The following CLNK variants were observed in gnomAD, a reference collection of about 807,000 sequenced individuals.
CLNK encodes the protein cytokine dependent hematopoietic cell linker, also known as cytokine-dependent hematopoietic cell linker.
A neutral mutation model predicts 68.6 loss-of-function variants in CLNK; 74 were observed. That is an observed-to-expected ratio of 1.08 (90% confidence interval 0.89 to 1.31). The LOEUF (loss-of-function observed/expected upper bound fraction) is 1.31. Ranked by LOEUF, CLNK falls within the 50% of genes most tolerant of loss-of-function variation. The probability of loss-of-function intolerance (pLI) is 0.00; values close to 1 mark genes in which losing one functional copy is unlikely to be tolerated. For missense variants in CLNK, 553 were observed against 515.3 expected (o/e 1.07, Z -0.71); for synonymous variants, 198 against 172.2 (o/e 1.15, Z -1.17).
intron 7 of CLNK, among the ~76,000 whole-genome samples, chr4:10,559,935 A>G (rs1206133131): frequency 2.0e-5 from 3 of 152,110 alleles, no homozygotes; most frequent in Non-Finnish European, 2.9e-5. Flanking sequence ...GCTTAGTAAC[A>G]TCTCTGTCTT....
intron 1 of CLNK, among the ~76,000 whole-genome samples, chr4:10,668,417 A>T: frequency 6.6e-6 from 1 of 152,206 alleles, no homozygotes; most frequent in Non-Finnish European, 1.5e-5. Context: ...TTACCATATA[A>T]ATTAGCAGCA....
Position 10,570,969 on chromosome 4 carries a change from A to T in CLNK, c.150+772T>A, listed in dbSNP as rs192271669. On this transcript the variant is annotated intron_variant, in intron 5 of 18. Transcript: ENST00000226951. ...AAATCTGTGAATATGTTTAAGTATC[A>T]GTACATATTTTAGATTAGCTTTTTA... 2.6e-5 allele frequency among the ~76,000 whole-genome samples: 4 copies of T among 152,340 alleles called. No individual in the cohort carries two copies. The East Asian group carries it at 7.7e-4, about 29-fold the overall frequency.
chr4:10,721,243 T>C, the CLNK span, among the ~76,000 whole-genome samples: 2 of 152,170 alleles, frequency 1.3e-5, no homozygotes, highest in East Asian at 3.8e-4. Context: ...CTGGTGATGA[T>C]GGAAAAGTTC....
At chr4:10,563,512 CAT>C (rs1719977223) in intron 7 of CLNK, among the ~76,000 whole-genome samples, 1 of 152,188 alleles carries the variant, frequency 6.6e-6, no homozygotes, top group Admixed American at 6.5e-5. Flanking sequence ...TTGTTTATCA[CAT>C]GAGAAATTGT....
At chr4:10,493,049 G>A (rs1213751162) in intron 18 of CLNK, among the ~76,000 whole-genome samples, 1 of 152,212 alleles carries the variant, frequency 6.6e-6, no homozygotes, top group East Asian at 1.9e-4. Flanking sequence ...AGGCGTGGTG[G>A]CTCACGCCTG....
At chr4:10,643,825 T>G (rs1307341823) in intron 2 of CLNK, among the ~76,000 whole-genome samples, 1 of 152,244 alleles carries the variant, frequency 6.6e-6, no homozygotes, top group African/African-American at 2.4e-5. Context: ...ATCAAATATC[T>G]TATGTTCCTC....
chr4:10,689,877 G>C, the CLNK span, among the ~76,000 whole-genome samples: 205 of 151,318 alleles, frequency 1.4e-3, 1 homozygote, highest in African/African-American at 4.9e-3. Context: ...CCCTTGAGAG[G>C]AGATCAGCTC....
intron 4 of CLNK, among the ~76,000 whole-genome samples, chr4:10,575,163 T>G (rs1009827771): frequency 6.6e-6 from 1 of 152,172 alleles, no homozygotes; most frequent in Non-Finnish European, 1.5e-5. Flanking sequence ...ATTGTGGTAA[T>G]CCCGTACCTA....
intron 2 of CLNK, among the ~76,000 whole-genome samples, chr4:10,618,804 C>A (rs1044909272): frequency 1.3e-5 from 2 of 152,124 alleles, no homozygotes; most frequent in African/African-American, 4.8e-5. Flanking sequence ...CACTCAGTCA[C>A]GGTTATGTTA....
chr4:10,680,822 A>G (rs1318765734), intron 1 of CLNK, among the ~76,000 whole-genome samples: 1 of 152,158 alleles, frequency 6.6e-6, no homozygotes, highest in Non-Finnish European at 1.5e-5. Flanking sequence ...TCAAACCCAC[A>G]CTATCCATGT....
chr4:10,664,485 G>T (rs1724316693), intron 2 of CLNK, among the ~76,000 whole-genome samples: 1 of 152,214 alleles, frequency 6.6e-6, no homozygotes, highest in Admixed American at 6.5e-5. Context: ...CACCCAGCCT[G>T]ACATGTGGCT....
chr4:10,633,017 A>G (rs2108870046), intron 2 of CLNK, among the ~76,000 whole-genome samples: 1 of 152,240 alleles, frequency 6.6e-6, no homozygotes, highest in Middle Eastern at 3.4e-3. Flanking sequence ...AGCTCACTAC[A>G]ACTTCTGCCT....
At chr4:10,579,258 T>A (rs1485121458) in intron 4 of CLNK, among the ~76,000 whole-genome samples, 1 of 152,182 alleles carries the variant, frequency 6.6e-6, no homozygotes, top group African/African-American at 2.4e-5. Context: ...TCGATCTATA[T>A]CTGTGGGGAA....
intron 3 of CLNK, among the ~76,000 whole-genome samples, chr4:10,597,520 C>T (rs1429297339): frequency 6.6e-6 from 1 of 152,164 alleles, no homozygotes; most frequent in East Asian, 1.9e-4. Flanking sequence ...GTTTTGATAC[C>T]ATAACCACTC....
the CLNK span, among the ~76,000 whole-genome samples, chr4:10,720,285 T>G: frequency 6.6e-6 from 1 of 151,826 alleles, no homozygotes; most frequent in Admixed American, 6.6e-5. Context: ...TCAATAAAAT[T>G]TACAAGTTTC....
At chr4:10,682,467 T>A (rs1725130356) in intron 1 of CLNK, among the ~76,000 whole-genome samples, 1 of 152,224 alleles carries the variant, frequency 6.6e-6, no homozygotes, top group Non-Finnish European at 1.5e-5. Context: ...CTACTCTTCA[T>A]GTGAAAATTT....
intron 17 of CLNK, 44 bp from the exon 18 acceptor site, chr4:10,501,455 A>T (rs1180687145): frequency 1.3e-6 from 2 of 1,580,570 alleles, no homozygotes; most frequent in Non-Finnish European, 1.7e-6. Context: ...ACACGCCAGC[A>T]TTCTGCCCTT....
intron 2 of CLNK, among the ~76,000 whole-genome samples, chr4:10,641,616 A>G (rs1022494472): frequency 5.3e-5 from 8 of 152,112 alleles, no homozygotes; most frequent in Non-Finnish European, 1.2e-4. Flanking sequence ...TAGCTTTCAG[A>G]CCTCTTCTTC....
At chr4:10,519,477 C>T (rs1256464233) in intron 15 of CLNK, among the ~76,000 whole-genome samples, 1 of 152,190 alleles carries the variant, frequency 6.6e-6, no homozygotes, top group Non-Finnish European at 1.5e-5. Flanking sequence ...TCTTCATCCA[C>T]CCAGATCTGA....
Sources: gnomAD v4.1 joint callset for allele counts (sites outside exome capture counted in the v4.1 genomes callset) on GRCh38, gnomAD v4.1.1 for gene constraint, MANE v1.5 for transcripts, NCBI Gene and HGNC (gene_info 2026-07-23, HGNC 2026-07-21) for gene names.